The following ZMYM2 variants were observed in gnomAD, a reference collection of about 807,000 sequenced individuals.
The protein encoded by ZMYM2 is zinc finger MYM-type protein 2.
ZMYM2 carries 56 observed loss-of-function variants against 162.8 expected under a neutral mutation model. The ratio of observed to expected loss-of-function variants is 0.34; its 90% CI spans 0.28 to 0.43. The LOEUF (loss-of-function observed/expected upper bound fraction) is 0.43, where lower values mean the gene tolerates loss of function less well. Ranked by LOEUF, ZMYM2 falls within the 20% of genes least tolerant of loss-of-function variation. ZMYM2 has a pLI of 1.00. For synonymous variants in ZMYM2, 510 were observed against 541.6 expected, an observed-to-expected ratio of 0.94 and a Z score of 0.81; for missense variants, 1,275 against 1,621.8, an observed-to-expected ratio of 0.79 and a Z score of 3.67.
the ZMYM2 span, among the ~76,000 whole-genome samples, chr13:19,943,060 T>C: frequency 6.6e-6 from 1 of 152,212 alleles, no homozygotes; most frequent in Non-Finnish European, 1.5e-5. Flanking sequence ...AGCTGGGCCA[T>C]ACCGACCGAC....
At chr13:20,011,214 T>C (rs906650957) in intron 6 of ZMYM2, among the ~76,000 whole-genome samples, 1 of 152,214 alleles carries the variant, frequency 6.6e-6, no homozygotes, top group African/African-American at 2.4e-5. Flanking sequence ...CCCTTCGTAC[T>C]TTTGTTCCGG....
chr13:19,893,671 C>T, the ZMYM2 span, among the ~76,000 whole-genome samples: 12 of 151,714 alleles, frequency 7.9e-5, no homozygotes, highest in African/African-American at 2.7e-4. Flanking sequence ...ACCTGGGAGA[C>T]GGAGGTTGCA....
At chr13:20,071,352 A>G (rs1426661262) in intron 21 of ZMYM2, among the ~76,000 whole-genome samples, 1 of 152,260 alleles carries the variant, frequency 6.6e-6, no homozygotes, top group East Asian at 1.9e-4. Context: ...CAAAATGCGT[A>G]AACAACAAAG....
the ZMYM2 span, among the ~76,000 whole-genome samples, chr13:19,880,341 GT>G: frequency 3.3e-5 from 5 of 152,188 alleles, no homozygotes; most frequent in African/African-American, 1.2e-4. Context: ...TTTCAGCAAG[GT>G]TTTTGTAGTT....
chr13:19,993,727 TC>T lies in ZMYM2; in HGVS notation c.656del (p.Ser219TyrfsTer30). The T allele has an allele frequency of 6.2e-7, 1 of 1,613,990 alleles. No homozygotes were observed. Among genetic ancestry groups the T allele is most frequent in the Non-Finnish European group, 8.5e-7 (1 of 1,179,888 alleles). On this transcript the variant is annotated frameshift_variant, in exon 3 of 25. Coordinates refer to ENST00000610343, the MANE Select transcript of ZMYM2 (RefSeq NM_197968.4). LOFTEE classifies it high-confidence loss of function. The stretch of plus-strand genomic sequence containing the variant: ...GAACTTAATGATTACACATGTAACA[TC>T]ACTGCAGAATACCAACTTGGGAGAT... ...DMNLMITHVT[S>X]LQNTNLGDVS... is the part of the protein sequence containing the mutation.
chr13:19,969,844 T>C (rs920320644), intron 2 of ZMYM2, among the ~76,000 whole-genome samples: 1 of 152,114 alleles, frequency 6.6e-6, no homozygotes, highest in Non-Finnish European at 1.5e-5. Context: ...TCTGAAACAT[T>C]TGAACATCTC....
intron 21 of ZMYM2, chr13:20,071,823 T>C: frequency 5.4e-6 from 1 of 184,022 alleles, no homozygotes; most frequent in Non-Finnish European, 1.2e-5. Flanking sequence ...CCCATCTTTC[T>C]GCCTCAGTTC....
chr13:20,079,312 G>T (rs1427823337), intron 21 of ZMYM2, among the ~76,000 whole-genome samples: 2 of 59,736 alleles, frequency 3.3e-5, no homozygotes, highest in East Asian at 5.3e-4. Flanking sequence ...GTAAGACTCT[G>T]TCTCAAAAAA....
At chr13:19,937,766 C>G in the ZMYM2 span, among the ~76,000 whole-genome samples, 8 of 149,382 alleles carry the variant, frequency 5.4e-5, no homozygotes, top group Admixed American at 1.3e-4. Context: ...TTAGGTATAT[C>G]TCCTAGTGCT....
At position 20,051,253 on chromosome 13, in the gene ZMYM2, G is replaced by GCATCTTTTTTTTTTTTTTTTTTTT. The variant is rs369364385; in HGVS notation, c.2293-180_2293-179insCATCTTTTTTTTTTTTTTTTTTTT. Among the ~76,000 whole-genome samples the GCATCTTTTTTTTTTTTTTTTTTTT allele has an allele frequency of 2.3e-4, 17 of 74,210 alleles. 5 individuals carry two copies. The highest frequency in any genetic ancestry group is 2.7e-4 in the Admixed American group (2 of 7,524). 48.7% of individuals were successfully genotyped at this position (74,210 alleles called of 152,430 possible). On this transcript the variant is annotated intron_variant, in intron 12 of 24. Transcript: ENST00000610343. ...GATGGACTTTGTCAACTGTGAAATT[G>GCATCTTTTTTTTTTTTTTTTTTTT]TATTTTTTTTTTTTTTTTTCATTTA...
chr13:19,870,988 G>A, the ZMYM2 span, among the ~76,000 whole-genome samples: 1 of 152,006 alleles, frequency 6.6e-6, no homozygotes, highest in African/African-American at 2.4e-5. Flanking sequence ...CCACAGTCAA[G>A]CAGAGGGGAA....
At chr13:20,083,632 T>A in intron 23 of ZMYM2, 24 bp from the exon 24 acceptor site, 2 of 1,459,368 alleles carry the variant, frequency 1.4e-6, no homozygotes, top group South Asian at 2.5e-5. Flanking sequence ...GTTTAGGAGG[T>A]TTATTTCACT....
At chr13:20,064,707 C>A (rs1180181941) in intron 19 of ZMYM2, among the ~76,000 whole-genome samples, 162 bp downstream of exon 19, 1 of 142,422 alleles carries the variant, frequency 7.0e-6, no homozygotes, top group African/African-American at 2.5e-5. Context: ...TATATTACTG[C>A]TATTTATTAC....
At chr13:19,940,681 A>G in the ZMYM2 span, among the ~76,000 whole-genome samples, 3 of 152,214 alleles carry the variant, frequency 2.0e-5, no homozygotes, top group African/African-American at 7.2e-5. Flanking sequence ...GCGTTCAGCC[A>G]TTTCCTTGAC....
chr13:20,044,494 G>A (rs1954576670), intron 12 of ZMYM2, among the ~76,000 whole-genome samples: 2 of 152,146 alleles, frequency 1.3e-5, no homozygotes, highest in East Asian at 3.9e-4. Context: ...AGATCTCTTA[G>A]GAGTGCACCA....
intron 2 of ZMYM2, among the ~76,000 whole-genome samples, chr13:19,968,332 T>C (rs990224568): frequency 1.3e-5 from 2 of 150,352 alleles, no homozygotes; most frequent in African/African-American, 4.9e-5. Flanking sequence ...AACCTCCGCC[T>C]CCCGGGTTCA....
At chr13:19,986,112 C>A (rs1000534819) in intron 2 of ZMYM2, among the ~76,000 whole-genome samples, 4 of 152,052 alleles carry the variant, frequency 2.6e-5, no homozygotes, top group Non-Finnish European at 5.9e-5. Context: ...TCCGTTGAGT[C>A]CAGGAGTTGG....
upstream of ZMYM2, among the ~76,000 whole-genome samples, chr13:19,954,475 C>G (rs573691006): frequency 6.6e-6 from 1 of 152,038 alleles, no homozygotes; most frequent in East Asian, 1.9e-4. Flanking sequence ...GAAGAGAAAG[C>G]TATCTAGAGA....
chr13:19,990,624 A>T (rs1450364182), intron 2 of ZMYM2, among the ~76,000 whole-genome samples: 2 of 152,258 alleles, frequency 1.3e-5, no homozygotes, highest in Non-Finnish European at 2.9e-5. Context: ...CAAAATTAAG[A>T]AAATGCTACA....
Sources: allele counts gnomAD v4.1 joint callset (sites outside exome capture counted in the v4.1 genomes callset), GRCh38; gene constraint gnomAD v4.1.1; transcripts MANE v1.5; gene names NCBI Gene and HGNC (gene_info 2026-07-23, HGNC 2026-07-21).